Variants in NHS observed in about 807,000 individuals in gnomAD.
The protein encoded by NHS is NHS actin remodeling regulator.
Under a neutral mutation model 72.5 loss-of-function variants are expected in NHS, and 5 were observed. The ratio of observed to expected loss-of-function variants is 0.07; its 90% CI spans 0.04 to 0.14. The LOEUF (loss-of-function observed/expected upper bound fraction) is 0.14. Among genes scored for constraint, NHS ranks in the 10% least tolerant of loss-of-function variants. The pLI is 1.00. For missense variants in NHS, 1,072 were observed against 1,355.7 expected (o/e 0.79, Z 3.29); for synonymous variants, 464 against 547.7 (o/e 0.85, Z 2.13).
At chrX:17,546,795 G>T in intron 1 of NHS, among the ~76,000 whole-genome samples, 1 of 112,500 alleles carries the variant, frequency 8.9e-6, no homozygotes, top group Non-Finnish European at 1.9e-5. Flanking sequence ...GCGTAGAAAT[G>T]AGTTTAGCTT....
At chrX:17,557,859 A>G (rs1821566084) in intron 1 of NHS, among the ~76,000 whole-genome samples, 1 of 112,447 alleles carries the variant, frequency 8.9e-6, no homozygotes, top group African/African-American at 3.2e-5. Flanking sequence ...GGTGTTGCCC[A>G]AAGGCCTCCC....
intron 1 of NHS, among the ~76,000 whole-genome samples, chrX:17,669,707 G>A (rs1486033017): frequency 8.9e-6 from 1 of 111,863 alleles, no homozygotes. Context: ...GAGAAAGTGC[G>A]GTTCAGGGAA....
At chrX:17,442,022 G>A (rs748239405) in intron 1 of NHS, among the ~76,000 whole-genome samples, 12 of 112,086 alleles carry the variant, frequency 1.1e-4, no homozygotes, top group Non-Finnish European at 1.5e-4. Flanking sequence ...CTGGAGGGAG[G>A]CCTGAGAATT....
At chrX:17,550,809 C>T (rs1321505842) in intron 1 of NHS, among the ~76,000 whole-genome samples, 2 of 111,781 alleles carry the variant, frequency 1.8e-5, no homozygotes, top group Non-Finnish European at 3.8e-5. Flanking sequence ...CAAAGGTTGC[C>T]GACTCACTCA....
At position 17,735,510 on chromosome X, in the gene NHS, T is replaced by C. The variant is rs1265656079; in HGVS notation, c.*3046T>C. 1 of 113,010 alleles carries C rather than the reference T, an allele frequency of 8.8e-6. No homozygotes were observed. The highest frequency in any genetic ancestry group is 1.9e-5 in the Non-Finnish European group (1 of 53,336). The allele number at this position is 113,010 out of a possible 1,213,427, so 9.3% of individuals were successfully genotyped here. A position where few individuals can be genotyped will look rare whatever the true frequency, so the allele number is the denominator to read the frequency against. On this transcript the variant is annotated 3_prime_UTR_variant, in exon 9 of 9. Coordinates refer to ENST00000676302, the MANE Select transcript of NHS (RefSeq NM_001291867.2). ...TTGGTTTTGTTGTTGTTTTGATTTG[T>C]TTTTGGCTAAGTAGAGGACATGGAC...
chrX:17,682,959 G>A (rs889085396), intron 1 of NHS, among the ~76,000 whole-genome samples: 2 of 111,408 alleles, frequency 1.8e-5, no homozygotes, highest in East Asian at 2.8e-4. Flanking sequence ...TCTTAGAAAC[G>A]GGCCTAGTCT....
chrX:17,697,037 T>C (rs904256247), intron 3 of NHS, among the ~76,000 whole-genome samples: 1 of 110,384 alleles, frequency 9.1e-6, no homozygotes, highest in East Asian at 2.8e-4. Flanking sequence ...GTCTGAAAAA[T>C]ACTACAGATT....
At chrX:17,473,425 C>T (rs2064900503) in intron 1 of NHS, among the ~76,000 whole-genome samples, 1 of 112,468 alleles carries the variant, frequency 8.9e-6, no homozygotes, top group African/African-American at 3.2e-5. Flanking sequence ...ATATGGCAGC[C>T]TCTAGCTGCA....
In NHS at chrX:17,687,763, A is replaced by G. The variant is rs146725938; in HGVS notation, c.587A>G (p.Glu196Gly). 1 of 1,210,192 alleles carries G rather than the reference A, an allele frequency of 8.3e-7. No homozygotes were observed. The highest frequency in any genetic ancestry group is 1.1e-6 in the Non-Finnish European group (1 of 895,286). The change falls in exon 2 of 9, where the codon GAG (glutamate) becomes GGG (glycine). Residue 196 changes from glutamate to glycine, a missense_variant. By Grantham distance (98) the Glu-to-Gly change is moderately conservative. Transcript: ENST00000676302. Reference sequence around the variant, plus strand: ...GCAGCCGTCTCCAACCTGGACATAGAGAGTAAGCTGAGTGTGTACTACCGC... The same window carrying G: ...GCAGCCGTCTCCAACCTGGACATAGGGAGTAAGCTGAGTGTGTACTACCGC... ...EAVPVSNLDI[E>G]SKLSVYYRAP...
chrX:17,652,602 A>G (rs780588052), intron 1 of NHS, among the ~76,000 whole-genome samples: 1 of 111,547 alleles, frequency 9.0e-6, no homozygotes, highest in Non-Finnish European at 1.9e-5. Flanking sequence ...GGGGATAAGG[A>G]GAGTCTGGTT....
At chrX:17,655,188 T>G (rs1484461920) in intron 1 of NHS, among the ~76,000 whole-genome samples, 1 of 111,397 alleles carries the variant, frequency 9.0e-6, no homozygotes, top group Non-Finnish European at 1.9e-5. Flanking sequence ...GCTGGAGGGG[T>G]TGGCACGGTC....
intron 1 of NHS, among the ~76,000 whole-genome samples, chrX:17,599,865 G>A (rs1408859336): frequency 9.0e-6 from 1 of 110,779 alleles, no homozygotes; most frequent in Admixed American, 9.7e-5. Flanking sequence ...CTGTATCAGT[G>A]GGGCTCCTAT....
intron 1 of NHS, among the ~76,000 whole-genome samples, chrX:17,441,967 G>T (rs950067106): frequency 8.9e-6 from 1 of 112,076 alleles, no homozygotes; most frequent in Non-Finnish European, 1.9e-5. Flanking sequence ...TAAACAAGAT[G>T]TTTGGGCTCA....
At chrX:17,438,042 TGTA>T (rs2064732512) in intron 1 of NHS, among the ~76,000 whole-genome samples, 1 of 112,541 alleles carries the variant, frequency 8.9e-6, no homozygotes, top group African/African-American at 3.2e-5. Context: ...TTTTAAAAGA[TGTA>T]GTGACACGTG....
intron 1 of NHS, among the ~76,000 whole-genome samples, chrX:17,659,375 C>T (rs2065972029): frequency 8.9e-6 from 1 of 112,296 alleles, no homozygotes; most frequent in South Asian, 3.7e-4. Context: ...TCTTTCCTGT[C>T]TCAAAGGGAT....
rs764599411 is a variant in NHS at position 17,410,139 on chromosome X, G to C, written c.565+33817G>C. 7.2e-5 allele frequency among the ~76,000 whole-genome samples: 8 copies of C among 110,485 alleles called. No individual in the cohort carries two copies. In the East Asian group the frequency reaches 2.3e-3, roughly 32 times the overall value. ...TCAAAGAAACAATTAAAGGCTCTCC[G>C]GGTGGCTTATCTCAGATCCACTGAG... is the stretch of plus-strand genomic sequence containing the variant. On this transcript the variant is annotated intron_variant, in intron 1 of 8. Coordinates refer to ENST00000676302, the MANE Select transcript of NHS (RefSeq NM_001291867.2).
At position 17,421,819 on chromosome X, in the gene NHS, C is replaced by T. The variant is rs180848914; in HGVS notation, c.565+45497C>T. On this transcript the variant is annotated intron_variant, in intron 1 of 8. Transcript: ENST00000676302. Reference sequence around the variant, plus strand: ...CTTGAACTCCTGACCTCAGGTGATCCGCCCACCTCAGCTTCCCAAAGTGCT... The same window carrying T: ...CTTGAACTCCTGACCTCAGGTGATCTGCCCACCTCAGCTTCCCAAAGTGCT... 4.6e-3 allele frequency among the ~76,000 whole-genome samples: 511 copies of T among 111,901 alleles called. 6 individuals are homozygous for T. The highest frequency in any genetic ancestry group is 0.015 in the African/African-American group (473 of 30,828).
intron 1 of NHS, among the ~76,000 whole-genome samples, chrX:17,551,607 G>A (rs1217991102): frequency 8.9e-6 from 1 of 111,999 alleles, no homozygotes; most frequent in Non-Finnish European, 1.9e-5. Context: ...TGTATTTAAA[G>A]CTTCATCATG....
At chrX:17,718,033 ATTG>A (rs1403341230) in intron 3 of NHS, among the ~76,000 whole-genome samples, 4 of 111,600 alleles carry the variant, frequency 3.6e-5, no homozygotes, top group Admixed American at 1.9e-4. Flanking sequence ...AATAATAATA[ATTG>A]TTGTAGTAGT....
Sources: allele counts gnomAD v4.1 joint callset (sites outside exome capture counted in the v4.1 genomes callset), GRCh38; gene constraint gnomAD v4.1.1; transcripts MANE v1.5; gene names NCBI Gene and HGNC (gene_info 2026-07-23, HGNC 2026-07-21).